Variants in DCC observed in about 807,000 individuals in gnomAD.
The protein encoded by DCC is netrin receptor DCC.
Under a neutral mutation model 172.5 loss-of-function variants are expected in DCC, and 58 were observed. That is an observed-to-expected ratio of 0.34 (90% CI 0.27 to 0.42). DCC has a LOEUF of 0.42. Among genes scored for constraint, DCC ranks in the 10% least tolerant of loss-of-function variants. DCC has a pLI of 1.00. For missense variants in DCC, 1,740 were observed against 1,791.0 expected (o/e 0.97, Z 0.51); for synonymous variants, 709 against 644.5 (o/e 1.10, Z -1.52).
chr18:52,655,230 G>A (rs1364570834), intron 1 of DCC, among the ~76,000 whole-genome samples: 5 of 152,062 alleles, frequency 3.3e-5, no homozygotes, highest in Admixed American at 6.6e-5. Flanking sequence ...GTTCTGCTTG[G>A]TTGAAACAAG....
chr18:52,750,652 C>A (rs2036980425), intron 1 of DCC, among the ~76,000 whole-genome samples: 1 of 152,068 alleles, frequency 6.6e-6, no homozygotes, highest in African/African-American at 2.4e-5. Flanking sequence ...GCAAATAAAA[C>A]CAGGGAGAAA....
chr18:52,359,653 A>C (rs1984532501), intron 1 of DCC, among the ~76,000 whole-genome samples: 1 of 152,164 alleles, frequency 6.6e-6, no homozygotes, highest in South Asian at 2.1e-4. Flanking sequence ...AAATGAGGAG[A>C]AGCTTGAGTC....
chr18:53,512,005 T>C (rs1275653952), intron 27 of DCC, among the ~76,000 whole-genome samples: 2 of 152,194 alleles, frequency 1.3e-5, no homozygotes, highest in Admixed American at 1.3e-4. Context: ...GCTCCACCTC[T>C]GGGGGCAGGG....
At position 52,433,213 on chromosome 18, in the gene DCC, A is replaced by T. The variant is rs116954437; in HGVS notation, c.91+92335A>T. 1.8e-3 allele frequency among the ~76,000 whole-genome samples: 267 copies of T among 152,308 alleles called. 6 individuals carry two copies. The East Asian group carries it at 0.042, about 24-fold the overall frequency. ...GTTAATTTGCGATCAGTAATATTTTAAAATTAAACCCACTTGTGTTCATTG... is the reference window on the plus strand; with the variant it reads ...GTTAATTTGCGATCAGTAATATTTTTAAATTAAACCCACTTGTGTTCATTG... On this transcript the variant is annotated intron_variant, in intron 1 of 28. Coordinates refer to ENST00000442544, the MANE Select transcript of DCC (RefSeq NM_005215.4).
In DCC at chr18:52,896,085, G is replaced by A. The variant is rs1057327758; in HGVS notation, c.413-9959G>A. ...CAGGTGTGAGCCACTGCACCCAGCCGTGGTTAAATTGCTATGATGCAAATT... is the reference window on the plus strand; with the variant it reads ...CAGGTGTGAGCCACTGCACCCAGCCATGGTTAAATTGCTATGATGCAAATT... On this transcript the variant is annotated intron_variant, in intron 2 of 28. Coordinates refer to ENST00000442544, the MANE Select transcript of DCC (RefSeq NM_005215.4). 3.9e-5 allele frequency among the ~76,000 whole-genome samples: 6 copies of A among 152,098 alleles called. No homozygotes were observed. The South Asian group carries it at 6.2e-4, about 16-fold the overall frequency.
intron 7 of DCC, among the ~76,000 whole-genome samples, chr18:53,124,665 C>T (rs1022581459): frequency 3.3e-5 from 5 of 151,998 alleles, no homozygotes; most frequent in Non-Finnish European, 7.4e-5. Flanking sequence ...GATCTTCTTG[C>T]ATTTCCCTTA....
At chr18:52,886,726 C>T (rs112890488) in intron 2 of DCC, among the ~76,000 whole-genome samples, 8 of 152,066 alleles carry the variant, frequency 5.3e-5, no homozygotes, top group Admixed American at 1.3e-4. Flanking sequence ...GTCTCTTTAG[C>T]GATATGAAGT....
At chr18:52,750,779 C>A (rs1286768159) in intron 1 of DCC, among the ~76,000 whole-genome samples, 1 of 152,036 alleles carries the variant, frequency 6.6e-6, no homozygotes, top group Non-Finnish European at 1.5e-5. Context: ...GGATTACCTG[C>A]AATTTAGATG....
chr18:53,532,938 T>C lies in DCC; in HGVS notation c.*2285T>C, dbSNP rs2046538813. ...TTAAATACATGTTATTTGTCTTCAGTGGAAGTTATATTTCTGCTGCATGCT... is the reference window on the plus strand; with the variant it reads ...TTAAATACATGTTATTTGTCTTCAGCGGAAGTTATATTTCTGCTGCATGCT... On this transcript the variant is annotated 3_prime_UTR_variant, in exon 29 of 29. Coordinates refer to ENST00000442544, the MANE Select transcript of DCC (RefSeq NM_005215.4). The C allele has an allele frequency of 6.6e-6, 1 of 152,244 alleles. No individual in the cohort carries two copies. Among genetic ancestry groups the C allele is most frequent in the Admixed American group, 6.5e-5 (1 of 15,284 alleles). 9.4% of individuals were successfully genotyped at this position (152,244 alleles called of 1,614,324 possible). A position where few individuals can be genotyped will look rare whatever the true frequency, so the allele number is the denominator to read the frequency against.
intron 24 of DCC, among the ~76,000 whole-genome samples, chr18:53,460,116 T>G (rs1234156218): frequency 8.1e-6 from 1 of 123,006 alleles, no homozygotes; most frequent in African/African-American, 2.7e-5. Context: ...ATCACTGGTG[T>G]CCAGGGATAA....
At position 53,351,337 on chromosome 18, in the gene DCC, G is replaced by GTATATATATATACACTGTA; in HGVS notation, c.2359+11445_2359+11446insTGTATATATATATATACAC. The stretch of plus-strand genomic sequence containing the variant: ...TATACACTGTATATATATATACAGT[G>GTATATATATATACACTGTA]TATATATATATACACAGTATATATA... On this transcript the variant is annotated intron_variant, in intron 15 of 28. Coordinates refer to ENST00000442544, the MANE Select transcript of DCC (RefSeq NM_005215.4). Among the ~76,000 whole-genome samples, 2 of 11,644 alleles carry GTATATATATATACACTGTA rather than the reference G, an allele frequency of 1.7e-4. 1 individual carries two copies. Among genetic ancestry groups the GTATATATATATACACTGTA allele is most frequent in the Non-Finnish European group, 3.9e-4 (2 of 5,188 alleles). 7.6% of individuals were successfully genotyped at this position (11,644 alleles called of 152,430 possible). A position where few individuals can be genotyped will look rare whatever the true frequency, so the allele number is the denominator to read the frequency against.
intron 2 of DCC, among the ~76,000 whole-genome samples, chr18:52,818,645 G>C (rs2038348347): frequency 6.6e-6 from 1 of 152,066 alleles, no homozygotes. Flanking sequence ...AAGATCATTA[G>C]ATCAATGGTC....
intron 12 of DCC, among the ~76,000 whole-genome samples, chr18:53,243,670 G>A (rs187233296): frequency 2.4e-4 from 36 of 152,228 alleles, no homozygotes; most frequent in Middle Eastern, 6.8e-3. Flanking sequence ...GCTGCTGAAC[G>A]CTTGGAAACT....
intron 25 of DCC, among the ~76,000 whole-genome samples, chr18:53,478,580 A>G (rs1198547005): frequency 6.6e-6 from 1 of 152,206 alleles, no homozygotes; most frequent in African/African-American, 2.4e-5. Context: ...TCATTCTTTA[A>G]AGGAAAAAGA....
At chr18:52,927,113 A>ATACGTG (rs2040224200) in intron 5 of DCC, among the ~76,000 whole-genome samples, 1 of 106,490 alleles carries the variant, frequency 9.4e-6, no homozygotes, top group Non-Finnish European at 2.1e-5. Flanking sequence ...ATACACGTAT[A>ATACGTG]TACGTGTATA....
intron 5 of DCC, among the ~76,000 whole-genome samples, chr18:52,985,236 C>T (rs2041274069): frequency 6.6e-6 from 1 of 151,820 alleles, no homozygotes; most frequent in Non-Finnish European, 1.5e-5. Context: ...TGGTTTTTGT[C>T]TTTCATTTTT....
intron 1 of DCC, among the ~76,000 whole-genome samples, chr18:52,542,540 A>G (rs1241491597): frequency 6.6e-6 from 1 of 152,148 alleles, no homozygotes; most frequent in African/African-American, 2.4e-5. Flanking sequence ...CTAAAAGACC[A>G]AGTTGAAGAG....
chr18:52,933,166 A>T (rs187998841), intron 5 of DCC, among the ~76,000 whole-genome samples: 1 of 152,238 alleles, frequency 6.6e-6, no homozygotes, highest in Non-Finnish European at 1.5e-5. Flanking sequence ...CTAGTCCTAG[A>T]TATGCAGCTG....
intron 24 of DCC, among the ~76,000 whole-genome samples, chr18:53,464,665 C>A (rs1384189644): frequency 2.6e-5 from 4 of 151,412 alleles, no homozygotes; most frequent in Non-Finnish European, 5.9e-5. Flanking sequence ...AGACACCCAA[C>A]AATATCAAAG....
Sources: allele counts gnomAD v4.1 joint callset (sites outside exome capture counted in the v4.1 genomes callset), GRCh38; gene constraint gnomAD v4.1.1; transcripts MANE v1.5; gene names NCBI Gene and HGNC (gene_info 2026-07-23, HGNC 2026-07-21).